Variants in AK8 observed in about 807,000 individuals in gnomAD.
AK8 encodes the protein ATP-AMP transphosphorylase 8.
A neutral mutation model predicts 54.6 loss-of-function variants in AK8; 44 were observed. That is an observed-to-expected ratio of 0.81 (90% CI 0.63 to 1.04). The LOEUF is 1.04. Among genes scored for constraint, AK8 ranks in the 50% least tolerant of loss-of-function variants. The pLI is 0.00. For synonymous variants in AK8, 239 were observed against 245.6 expected, an observed-to-expected ratio of 0.97 and a Z score of 0.25; for missense variants, 555 against 613.6, an observed-to-expected ratio of 0.90 and a Z score of 1.01.
intron 5 of AK8, among the ~76,000 whole-genome samples, chr9:132,841,323 C>T (rs1451630698): frequency 3.9e-5 from 6 of 152,330 alleles, no homozygotes; most frequent in East Asian, 1.9e-4. Context: ...ATCACATTCC[C>T]GGTGCGTGAA....
intron 11 of AK8, among the ~76,000 whole-genome samples, chr9:132,772,267 G>A (rs774141743): frequency 7.2e-5 from 11 of 152,196 alleles, no homozygotes; most frequent in African/African-American, 1.7e-4. Context: ...CTCATAGCCC[G>A]CTGCAGATGT....
At chr9:132,812,893 A>ATTGCGTCTGACGGCT in intron 10 of AK8, among the ~76,000 whole-genome samples, 2 of 133,064 alleles carry the variant, frequency 1.5e-5, no homozygotes, top group African/African-American at 5.7e-5. Flanking sequence ...TACACAGATC[A>ATTGCGTCTGACGGCT]CCTCATTCTG....
intron 11 of AK8, among the ~76,000 whole-genome samples, chr9:132,762,989 T>C (rs1380048443): frequency 6.6e-6 from 1 of 152,016 alleles, no homozygotes; most frequent in Non-Finnish European, 1.5e-5. Context: ...AGCGAAAAGG[T>C]AGAAAAGAGG....
At chr9:132,838,941 T>C (rs1156427149) in intron 5 of AK8, among the ~76,000 whole-genome samples, 1 of 152,038 alleles carries the variant, frequency 6.6e-6, no homozygotes, top group Non-Finnish European at 1.5e-5. Flanking sequence ...GTGTACCTTA[T>C]TATTTTTTTA....
chr9:132,808,854 G>A (rs1043426122), intron 10 of AK8, among the ~76,000 whole-genome samples: 15 of 152,100 alleles, frequency 9.9e-5, no homozygotes, highest in African/African-American at 3.1e-4. Context: ...CAGGCAGGGC[G>A]GAGTCCCCAG....
At position 132,828,581 on chromosome 9, in the gene AK8, C is replaced by T. The variant is rs553568497; in HGVS notation, c.484+64G>A. On this transcript the variant is annotated intron_variant, in intron 6 of 12. Coordinates refer to ENST00000298545, the MANE Select transcript of AK8 (RefSeq NM_152572.3). Reference sequence around the variant, plus strand: ...TCAGGAGCAGGCAGCATGAGCGGGGCGCTCACTGGCCACCCCTTGGGGCTG... The same window carrying T: ...TCAGGAGCAGGCAGCATGAGCGGGGTGCTCACTGGCCACCCCTTGGGGCTG... 83 of 1,433,930 alleles carry T rather than the reference C, an allele frequency of 5.8e-5. No individual in the cohort carries two copies. In the Admixed American group the frequency reaches 9.6e-4, roughly 17 times the overall value. 88.8% of individuals were successfully genotyped at this position (1,433,930 alleles called of 1,614,324 possible). A position where few individuals can be genotyped will look rare whatever the true frequency, so the allele number is the denominator to read the frequency against.
intron 5 of AK8, among the ~76,000 whole-genome samples, chr9:132,839,886 C>T (rs1164227773): frequency 2.7e-5 from 4 of 150,726 alleles, no homozygotes; most frequent in South Asian, 2.1e-4. Context: ...GGCGCGATCT[C>T]GGCTCACCGC....
intron 9 of AK8, among the ~76,000 whole-genome samples, chr9:132,818,574 G>T (rs375745170): frequency 1.1e-4 from 16 of 152,128 alleles, no homozygotes; most frequent in African/African-American, 3.6e-4. Flanking sequence ...AAAGCAAAGA[G>T]ATATGGCTAA....
chr9:132,734,051 C>T (rs1210230261), intron 11 of AK8, among the ~76,000 whole-genome samples: 1 of 152,180 alleles, frequency 6.6e-6, no homozygotes, highest in Non-Finnish European at 1.5e-5. Context: ...CCCCACTGCC[C>T]ACCCACTGGA....
chr9:132,849,367 C>T (rs1588210057), intron 5 of AK8, among the ~76,000 whole-genome samples: 1 of 152,216 alleles, frequency 6.6e-6, no homozygotes, highest in African/African-American at 2.4e-5. Context: ...AGAGCACAGC[C>T]GTGCCCTTTT....
In AK8 at chr9:132,781,364, T is replaced by C. The variant is rs1028164123; in HGVS notation, c.1121+11270A>G. Among the ~76,000 whole-genome samples the C allele has an allele frequency of 6.6e-6, 1 of 152,292 alleles. No individual in the cohort carries two copies. Among genetic ancestry groups the C allele is most frequent in the African/African-American group, 2.4e-5 (1 of 41,566 alleles). On this transcript the variant is annotated intron_variant, in intron 11 of 12. Transcript: ENST00000298545. The surrounding 1 kb of genome is among the most constrained non-coding windows in gnomAD (Gnocchi z 4.6). ...TTTAGTATTATGTGCCATGGGTTTA[T>C]GAGGTAGGAGTCAGACAAAACATTG...
intron 5 of AK8, among the ~76,000 whole-genome samples, chr9:132,836,610 TGGC>T (rs1275545651): frequency 6.6e-6 from 1 of 152,176 alleles, no homozygotes; most frequent in Admixed American, 6.5e-5. Context: ...CTCAAACTTC[TGGC>T]CTCGAGTCAT....
At chr9:132,824,442 C>T (rs532120261) in intron 8 of AK8, among the ~76,000 whole-genome samples, 4 of 152,318 alleles carry the variant, frequency 2.6e-5, no homozygotes, top group African/African-American at 9.6e-5. Flanking sequence ...GCCATCGTGC[C>T]TCCTTCAGGA....
At chr9:132,754,130 T>C (rs1838078823) in intron 11 of AK8, among the ~76,000 whole-genome samples, 4 of 152,178 alleles carry the variant, frequency 2.6e-5, no homozygotes, top group Non-Finnish European at 5.9e-5. Flanking sequence ...AGAGGGCACA[T>C]GGCCGCCTAG....
intron 11 of AK8, among the ~76,000 whole-genome samples, chr9:132,767,680 C>A (rs958807310): frequency 9.9e-5 from 15 of 152,156 alleles, no homozygotes; most frequent in Admixed American, 6.5e-4. Context: ...GCACTACTCA[C>A]AATAGCCAAG....
upstream of AK8, chr9:132,878,367 G>C: frequency 8.0e-7 from 1 of 1,251,254 alleles, no homozygotes; most frequent in Non-Finnish European, 1.0e-6. The surrounding 1 kb of genome is among the most constrained non-coding windows in gnomAD (Gnocchi z 4.7). Flanking sequence ...GCCGGGCCCA[G>C]ATACCCGATC....
chr9:132,732,067 G>A (rs887133420), intron 11 of AK8, among the ~76,000 whole-genome samples: 22 of 152,280 alleles, frequency 1.4e-4, no homozygotes, highest in African/African-American at 5.3e-4. Flanking sequence ...GTACCTGAGT[G>A]TTTATGCTCA....
At chr9:132,812,085 A>T (rs1428734426) in intron 10 of AK8, among the ~76,000 whole-genome samples, 1 of 152,086 alleles carries the variant, frequency 6.6e-6, no homozygotes, top group East Asian at 1.9e-4. Flanking sequence ...AACTATATAC[A>T]TTAGGTTAAT....
intron 11 of AK8, among the ~76,000 whole-genome samples, chr9:132,783,188 G>A (rs1388122110): frequency 6.6e-6 from 1 of 152,156 alleles, no homozygotes; most frequent in Non-Finnish European, 1.5e-5. Context: ...CTGGTCTCAG[G>A]GAGACATGAG....
Sources: gnomAD v4.1 joint callset for allele counts (sites outside exome capture counted in the v4.1 genomes callset) on GRCh38, gnomAD v4.1.1 for gene constraint, Gnocchi (gnomAD v3.1) non-coding constraint, MANE v1.5 for transcripts, NCBI Gene and HGNC (gene_info 2026-07-23, HGNC 2026-07-21) for gene names.